RYR2: variants seen among roughly 807,000 people sequenced by gnomAD.
RYR2 encodes the protein cardiac muscle ryanodine receptor-calcium release channel.
RYR2 carries 227 observed loss-of-function variants against 601.1 expected under a neutral mutation model. That is an observed-to-expected ratio of 0.38 (90% CI 0.34 to 0.42). The LOEUF (loss-of-function observed/expected upper bound fraction) is 0.42. Ranked by LOEUF, RYR2 falls within the 10% of genes least tolerant of loss-of-function variation. The probability of loss-of-function intolerance (pLI) is 1.00; values close to 1 mark genes in which losing one functional copy is unlikely to be tolerated. For missense variants in RYR2, 4,646 were observed against 6,156.5 expected (o/e 0.75, Z 8.21); for synonymous variants, 2,223 against 2,175.1 (o/e 1.02, Z -0.61).
chr1:237,665,993 T>TA (rs2148870307), intron 56 of RYR2, among the ~76,000 whole-genome samples: 1 of 152,174 alleles, frequency 6.6e-6, no homozygotes, highest in South Asian at 2.1e-4. Context: ...TATTTCATTT[T>TA]TTAAAAGCTT....
chr1:237,407,609 GTTT>G (rs35247530), intron 10 of RYR2, among the ~76,000 whole-genome samples: 56,414 of 118,406 alleles, frequency 0.48, 11,615 homozygotes, highest in East Asian at 0.74. Context: ...AATTGTGGTT[GTTT>G]TTTTTTTTTT....
At chr1:237,539,472 G>T (rs1669020704) in intron 25 of RYR2, among the ~76,000 whole-genome samples, 1 of 152,152 alleles carries the variant, frequency 6.6e-6, no homozygotes, top group Non-Finnish European at 1.5e-5. Context: ...TTGATAATCG[G>T]TCAAGTTCAA....
chr1:237,543,308 A>T (rs1247478652), intron 25 of RYR2, among the ~76,000 whole-genome samples: 1 of 152,174 alleles, frequency 6.6e-6, no homozygotes, highest in Non-Finnish European at 1.5e-5. Context: ...TCTTCATATT[A>T]CATGTTTTTA....
intron 8 of RYR2, among the ~76,000 whole-genome samples, chr1:237,378,170 C>T (rs1701186096): frequency 1.3e-5 from 2 of 152,152 alleles, no homozygotes; most frequent in Admixed American, 6.6e-5. Flanking sequence ...TCTCATGAGA[C>T]TTATTCACTA....
At chr1:237,267,843 AT>A (rs1241524693) in intron 1 of RYR2, among the ~76,000 whole-genome samples, 1 of 152,202 alleles carries the variant, frequency 6.6e-6, no homozygotes, top group Admixed American at 6.5e-5. Context: ...TCTAATTCAG[AT>A]GAATTAGGTT....
At chr1:237,393,198 C>T (rs1702534569) in intron 10 of RYR2, among the ~76,000 whole-genome samples, 1 of 152,088 alleles carries the variant, frequency 6.6e-6, no homozygotes, top group South Asian at 2.1e-4. Context: ...TTGGCATATG[C>T]TTGCTGTGTC....
chr1:237,301,338 A>G (rs1693331035), intron 2 of RYR2, among the ~76,000 whole-genome samples: 2 of 152,130 alleles, frequency 1.3e-5, no homozygotes, highest in Non-Finnish European at 2.9e-5. Flanking sequence ...GTGTTTTGTG[A>G]GGGTTATAAA....
In RYR2 at chr1:237,717,273, G is replaced by A; in HGVS notation, c.10399G>A (p.Val3467Ile). The A allele has an allele frequency of 1.2e-6, 2 of 1,613,688 alleles. No individual in the cohort carries two copies. Among genetic ancestry groups the A allele is most frequent in the Non-Finnish European group, 1.7e-6 (2 of 1,179,720 alleles). ...GTATTCCATGCAGACCTCTCTGATTGTAGCAGCTCTGAAGCGGTTACTGCC... is the reference window on the plus strand; with the variant it reads ...GTATTCCATGCAGACCTCTCTGATTATAGCAGCTCTGAAGCGGTTACTGCC... ...DRYSMQTSLI[V>I]AALKRLLPIG... The change falls in exon 72 of 105, where the codon GTA (valine) becomes ATA (isoleucine). Residue 3467 changes from valine (V) to isoleucine (I), a missense_variant. Coordinates refer to ENST00000366574, the MANE Select transcript of RYR2 (RefSeq NM_001035.3).
intron 2 of RYR2, among the ~76,000 whole-genome samples, chr1:237,313,618 T>C (rs1458235414): frequency 6.6e-6 from 1 of 152,206 alleles, no homozygotes; most frequent in Non-Finnish European, 1.5e-5. Flanking sequence ...ATTACACTAA[T>C]TTCAGACTTC....
At position 237,512,035 on chromosome 1, in the gene RYR2, A is replaced by T. The variant is rs74147295; in HGVS notation, c.2822+244A>T. Among the ~76,000 whole-genome samples, 816 of 152,276 alleles carry T rather than the reference A, an allele frequency of 5.4e-3. 5 individuals carry two copies. The highest frequency in any genetic ancestry group is 0.019 in the African/African-American group (773 of 41,554). On this transcript the variant is annotated intron_variant, in intron 24 of 104. Coordinates refer to ENST00000366574, the MANE Select transcript of RYR2 (RefSeq NM_001035.3). ...TTTGCAAAGGGTGTCCTACAGGTGT[A>T]TATGGGTATTATGGATGATGAGGAT...
chr1:237,783,894 C>G lies in RYR2; in HGVS notation c.12182C>G (p.Ser4061Ter). Reference protein sequence around the residue: ...AMESHKHYTQSETEFLLSCAE... With the variant: ...AMESHKHYTQ ...GAGAGCCATAAGCACTACACGCAGT[C>G]AGAAACGGAATTTCTTTTGTCTTGT... Residue 4061 changes from serine to a stop codon, truncating the protein, a stop_gained, in exon 90 of 105, where the codon TCA becomes TGA. Transcript: ENST00000366574. LOFTEE classifies it high-confidence loss of function. The G allele has an allele frequency of 6.2e-7, 1 of 1,613,642 alleles. No homozygotes were observed.
At chr1:237,235,572 G>A (rs1329303635) in intron 1 of RYR2, among the ~76,000 whole-genome samples, 1 of 152,190 alleles carries the variant, frequency 6.6e-6, no homozygotes, top group African/African-American at 2.4e-5. Context: ...AGTTGGTGGA[G>A]TGAACTGCTT....
intron 22 of RYR2, among the ~76,000 whole-genome samples, chr1:237,504,609 T>C (rs1000888612): frequency 6.6e-6 from 1 of 152,270 alleles, no homozygotes; most frequent in East Asian, 1.9e-4. Context: ...CTTTTAAAAA[T>C]AGGCAATAAT....
At chr1:237,092,457 T>A (rs914625759) in intron 1 of RYR2, among the ~76,000 whole-genome samples, 2 of 152,132 alleles carry the variant, frequency 1.3e-5, no homozygotes, top group Non-Finnish European at 2.9e-5. Context: ...CATGTTATTT[T>A]AAAATATATG....
chr1:237,230,714 T>A (rs1046920694), intron 1 of RYR2, among the ~76,000 whole-genome samples: 1 of 151,634 alleles, frequency 6.6e-6, no homozygotes, highest in African/African-American at 2.4e-5. Flanking sequence ...AGGTCAGGAG[T>A]TCAAGACCAG....
chr1:237,662,960 G>C (rs1683943741), intron 56 of RYR2, among the ~76,000 whole-genome samples: 1 of 152,124 alleles, frequency 6.6e-6, no homozygotes, highest in Non-Finnish European at 1.5e-5. Context: ...TGTTACTATT[G>C]TTATGTCAAT....
Position 237,232,161 on chromosome 1 carries a change from A to G in RYR2, c.49-38336A>G, listed in dbSNP as rs185796084. Among the ~76,000 whole-genome samples, 15 of 152,262 alleles carry G rather than the reference A, an allele frequency of 9.9e-5. No homozygotes were observed. The East Asian group carries it at 2.9e-3, about 29-fold the overall frequency. Reference sequence around the variant, plus strand: ...TCCAAAGTGATGTCTTTTGTATGCTAATGAACTGATTGATGGCTTGCAGAA... The same window carrying G: ...TCCAAAGTGATGTCTTTTGTATGCTGATGAACTGATTGATGGCTTGCAGAA... On this transcript the variant is annotated intron_variant, in intron 1 of 104. Coordinates refer to ENST00000366574, the MANE Select transcript of RYR2 (RefSeq NM_001035.3).
chr1:237,671,538 T>C (rs12141209), intron 58 of RYR2, among the ~76,000 whole-genome samples: 5,899 of 151,146 alleles, frequency 0.039, 127 homozygotes, highest in Middle Eastern at 0.082. Context: ...TGTGTGTGTG[T>C]GCGTGTGAGA....
intron 89 of RYR2, among the ~76,000 whole-genome samples, chr1:237,782,322 C>T (rs887603514): frequency 2.6e-5 from 4 of 151,680 alleles, no homozygotes; most frequent in Non-Finnish European, 2.9e-5. Flanking sequence ...TCCATTTTTT[C>T]AGTTTCCTCC....
Sources: allele counts gnomAD v4.1 joint callset (sites outside exome capture counted in the v4.1 genomes callset), GRCh38; gene constraint gnomAD v4.1.1; transcripts MANE v1.5; gene names NCBI Gene and HGNC (gene_info 2026-07-23, HGNC 2026-07-21).